BRD10: variants seen among roughly 807,000 people sequenced by gnomAD.
BRD10 encodes the protein bromodomain containing 10, also known as uncharacterized bromodomain-containing protein 10.
chr9:5,952,035 A>AT, the BRD10 span, among the ~76,000 whole-genome samples: 1 of 151,344 alleles, frequency 6.6e-6, no homozygotes, highest in African/African-American at 2.4e-5. Flanking sequence ...TTATTTATTT[A>AT]TTTAGAGACA....
At chr9:5,959,675 TACAGAACTATATAATA>T in the BRD10 span, among the ~76,000 whole-genome samples, 2 of 152,218 alleles carry the variant, frequency 1.3e-5, no homozygotes, top group African/African-American at 2.4e-5. Context: ...GTGCTATCAC[TACAGAACTATATAATA>T]ACCTTTTCAC....
chr9:6,008,271 C>T, the BRD10 span: 2 of 984,526 alleles, frequency 2.0e-6, no homozygotes, highest in Non-Finnish European at 2.4e-6. Flanking sequence ...CCCCTCCCGC[C>T]CCCCTCTACC....
the BRD10 span, among the ~76,000 whole-genome samples, chr9:5,953,682 TTA>T: frequency 6.6e-6 from 1 of 151,204 alleles, no homozygotes. Context: ...CTTTTATGTA[TTA>T]TATATATATA....
the BRD10 span, among the ~76,000 whole-genome samples, chr9:5,939,480 T>C: frequency 1.3e-5 from 2 of 152,208 alleles, no homozygotes; most frequent in Non-Finnish European, 1.5e-5. Context: ...GAATCTTTCT[T>C]AATCATCGAT....
At chr9:5,984,839 T>C in the BRD10 span, among the ~76,000 whole-genome samples, 5 of 151,908 alleles carry the variant, frequency 3.3e-5, no homozygotes, top group Admixed American at 6.6e-5. Context: ...ACAAAACAAT[T>C]ATCCAGAAAC....
chr9:5,920,809 T>C, the BRD10 span: 2 of 1,613,914 alleles, frequency 1.2e-6, no homozygotes, highest in Non-Finnish European at 1.7e-6. Flanking sequence ...GAGACACTAC[T>C]GGTTGTGTAG....
the BRD10 span, among the ~76,000 whole-genome samples, chr9:5,942,902 G>A: frequency 9.9e-5 from 15 of 152,026 alleles, no homozygotes. Flanking sequence ...TTTTGAGTCA[G>A]GCTCTGGTTC....
chr9:5,895,698 A>G, the BRD10 span, among the ~76,000 whole-genome samples: 1 of 152,212 alleles, frequency 6.6e-6, no homozygotes, highest in East Asian at 1.9e-4. Flanking sequence ...CTGATTGGGT[A>G]GGCCAGGGGT....
At chr9:5,988,074 T>A in the BRD10 span, among the ~76,000 whole-genome samples, 1 of 152,240 alleles carries the variant, frequency 6.6e-6, no homozygotes, top group Non-Finnish European at 1.5e-5. Flanking sequence ...TCCTCTAATT[T>A]AAAACTTATA....
the BRD10 span, chr9:5,922,289 A>C: frequency 6.2e-7 from 1 of 1,613,964 alleles, no homozygotes. Context: ...TGTTGATGAC[A>C]GAGGCTGACC....
the BRD10 span, among the ~76,000 whole-genome samples, chr9:5,906,003 C>T: frequency 1.3e-5 from 2 of 152,002 alleles, no homozygotes; most frequent in Non-Finnish European, 2.9e-5. Context: ...TAATTAAATA[C>T]ATTGTTGCTA....
the BRD10 span, chr9:5,922,932 T>C: frequency 5.6e-6 from 9 of 1,614,038 alleles, no homozygotes; most frequent in Non-Finnish European, 7.6e-6. Context: ...GGCAGTTGAT[T>C]TGTTAAGGTC....
the BRD10 span, among the ~76,000 whole-genome samples, chr9:6,006,336 T>C: frequency 1.6e-4 from 24 of 152,216 alleles, no homozygotes; most frequent in African/African-American, 4.3e-4. Context: ...TTCACTCTAA[T>C]AGTAAACAGT....
chr9:5,922,973 G>A, the BRD10 span: 3 of 1,613,976 alleles, frequency 1.9e-6, no homozygotes, highest in Non-Finnish European at 2.5e-6. Flanking sequence ...TGCAAGCAAA[G>A]CCTGAATGGG....
the BRD10 span, among the ~76,000 whole-genome samples, chr9:5,911,616 C>T: frequency 2.6e-5 from 4 of 151,128 alleles, no homozygotes; most frequent in African/African-American, 9.7e-5. Flanking sequence ...CTCACTGCAA[C>T]CTCCACCTCC....
the BRD10 span, among the ~76,000 whole-genome samples, chr9:5,984,675 T>C: frequency 1.3e-5 from 2 of 152,158 alleles, no homozygotes; most frequent in African/African-American, 4.8e-5. Flanking sequence ...AAAGTTTGTA[T>C]TTCTAGATAT....
At chr9:5,969,538 C>A in the BRD10 span, 1 of 772,898 alleles carries the variant, frequency 1.3e-6, no homozygotes. Context: ...ATCAACTGTC[C>A]TAGTTTTATT....
the BRD10 span, among the ~76,000 whole-genome samples, chr9:5,993,307 T>A: frequency 2.5e-4 from 21 of 85,632 alleles, no homozygotes; most frequent in African/African-American, 9.4e-4. Context: ...AGAGTGAGAC[T>A]CCATTAAAAA....
At chr9:5,972,425 T>C in the BRD10 span, among the ~76,000 whole-genome samples, 1 of 152,224 alleles carries the variant, frequency 6.6e-6, no homozygotes, top group African/African-American at 2.4e-5. Context: ...AGTTTGGATA[T>C]CTGCACCCTC....
Sources: gnomAD v4.1 joint callset for allele counts (sites outside exome capture counted in the v4.1 genomes callset) on GRCh38, gnomAD v4.1.1 for gene constraint, MANE v1.5 for transcripts, NCBI Gene and HGNC (gene_info 2026-07-23, HGNC 2026-07-21) for gene names.